The following DNAAF4 variants were observed in gnomAD, a reference collection of about 807,000 sequenced individuals.
DNAAF4 encodes the protein dynein axonemal assembly factor 4, also known as dynein assembly factor 4, axonemal.
DNAAF4 carries 43 observed loss-of-function variants against 51.8 expected under a neutral mutation model. The observed-to-expected ratio is 0.83, with a 90% CI of 0.65 to 1.07. The LOEUF is 1.07. Ranked by LOEUF, DNAAF4 falls within the 50% of genes least tolerant of loss-of-function variation. The probability of loss-of-function intolerance (pLI) is 0.00; values close to 1 mark genes in which losing one functional copy is unlikely to be tolerated. For synonymous variants in DNAAF4, 194 were observed against 165.6 expected (o/e 1.17, Z -1.32); for missense variants, 581 against 493.0 (o/e 1.18, Z -1.69).
At chr15:55,473,789 G>T (rs1050032913) in intron 4 of DNAAF4, among the ~76,000 whole-genome samples, 1 of 151,928 alleles carries the variant, frequency 6.6e-6, no homozygotes, top group Admixed American at 6.6e-5. Flanking sequence ...TCAGGAGTTC[G>T]AGACCAGCCT....
intron 4 of DNAAF4, among the ~76,000 whole-genome samples, chr15:55,479,930 T>C (rs1423845796): frequency 3.3e-5 from 5 of 152,186 alleles, no homozygotes; most frequent in Non-Finnish European, 7.3e-5. Context: ...ATCAAGATAA[T>C]ATGTGCACTG....
downstream of DNAAF4, among the ~76,000 whole-genome samples, chr15:55,429,167 A>G (rs904437665): frequency 2.0e-5 from 3 of 151,856 alleles, no homozygotes; most frequent in Non-Finnish European, 4.4e-5. Context: ...GGTTGCAGTG[A>G]GCCGAGATTG....
chr15:55,418,520 C>G (rs1489467530), intron 7 of DNAAF4: 1 of 1,522,510 alleles, frequency 6.6e-7, no homozygotes, highest in East Asian at 2.4e-5. Context: ...AAATACTGCA[C>G]CTGACAGAAC....
In DNAAF4 at chr15:55,439,582, C is replaced by T. The variant is rs569903974; in HGVS notation, c.784-1G>A. On this transcript the variant is annotated splice_acceptor_variant, in intron 6 of 9. Coordinates refer to ENST00000321149, the MANE Select transcript of DNAAF4 (RefSeq NM_130810.4). LOFTEE classifies it high-confidence loss of function. Reference sequence around the variant, plus strand: ...GTGCCTCAGCTTGTTTGTGTAGCCACTAGAATGAGAAAGAAGTCTTATGAA... The same window carrying T: ...GTGCCTCAGCTTGTTTGTGTAGCCATTAGAATGAGAAAGAAGTCTTATGAA... The T allele has an allele frequency of 3.1e-6, 5 of 1,612,860 alleles. No individual in the cohort carries two copies. The highest frequency in any genetic ancestry group is 1.7e-4 in the Middle Eastern group (1 of 6,058).
At chr15:55,481,673 T>C (rs1370712985) in intron 4 of DNAAF4, among the ~76,000 whole-genome samples, 1 of 152,100 alleles carries the variant, frequency 6.6e-6, no homozygotes, top group Admixed American at 6.6e-5. Context: ...AGACAGACCA[T>C]CAGTTCCTCT....
rs1228023741 is a variant in DNAAF4, at chr15:55,435,022, G to T, written c.930C>A (p.Ile310=). ...GTCTTATGGCTAAATTATATGCATTGATAGCTGCCAAATAGTTTTCCGTTG... is the reference window on the plus strand; with the variant it reads ...GTCTTATGGCTAAATTATATGCATTTATAGCTGCCAAATAGTTTTCCGTTG... ...LFATENYLAA[I]NAYNLAIRLN... The change falls in exon 8 of 10, where the codon ATC becomes ATA. Residue 310 remains isoleucine (I), a synonymous_variant. Coordinates refer to ENST00000321149, the MANE Select transcript of DNAAF4 (RefSeq NM_130810.4). 36 of 1,607,780 alleles carry T rather than the reference G, an allele frequency of 2.2e-5. No individual in the cohort carries two copies. Among genetic ancestry groups the T allele is most frequent in the Non-Finnish European group, 2.5e-5 (30 of 1,178,346 alleles).
At chr15:55,491,328 T>C in intron 3 of DNAAF4, 72 bp from the exon 4 acceptor site, 1 of 1,457,236 alleles carries the variant, frequency 6.9e-7, no homozygotes. Context: ...ACTACTTAAA[T>C]AAACTGACCC....
chr15:55,433,653 A>T (rs1282705099), intron 8 of DNAAF4, among the ~76,000 whole-genome samples: 1 of 143,682 alleles, frequency 7.0e-6, no homozygotes, highest in East Asian at 2.0e-4. Context: ...AATGGCCTCA[A>T]GCACTCACCT....
rs2058177800 is a variant in DNAAF4 at position 55,466,853 on chromosome 15, G to A, written c.637+77C>T. On this transcript the variant is annotated intron_variant, in intron 5 of 9. Coordinates refer to ENST00000321149, the MANE Select transcript of DNAAF4 (RefSeq NM_130810.4). ...AAACAGTAACCTAATGCTGTGAATA[G>A]ATTTACAAAAAAAGAAAAGCGTCAT... 20 of 1,531,502 alleles carry A rather than the reference G, an allele frequency of 1.3e-5. No homozygotes were observed. The South Asian group carries it at 2.5e-4, about 19-fold the overall frequency. 94.9% of individuals were successfully genotyped at this position (1,531,502 alleles called of 1,614,324 possible). A position where few individuals can be genotyped will look rare whatever the true frequency, so the allele number is the denominator to read the frequency against.
In DNAAF4 at chr15:55,467,180, C is replaced by T. The variant is rs754334465; in HGVS notation, c.406-19G>A. ...CTTCAATCTATAACAATTGCAATTA[C>T]CAAATTCTTTAAAATACATAAAAGC... On this transcript the variant is annotated intron_variant, in intron 4 of 9. Coordinates refer to ENST00000321149, the MANE Select transcript of DNAAF4 (RefSeq NM_130810.4). 5 of 1,486,638 alleles carry T rather than the reference C, an allele frequency of 3.4e-6. No individual in the cohort carries two copies. Among genetic ancestry groups the T allele is most frequent in the African/African-American group, 2.9e-5 (2 of 69,844 alleles). 92.1% of individuals were successfully genotyped at this position (1,486,638 alleles called of 1,614,324 possible).
In DNAAF4 at chr15:55,423,141, G is replaced by A. The variant is rs2057401611; in HGVS notation, c.1048-5008C>T. 6.6e-5 allele frequency among the ~76,000 whole-genome samples: 10 copies of A among 150,484 alleles called. 1 individual carries two copies. The South Asian group carries it at 2.1e-3, about 32-fold the overall frequency. On this transcript the variant is annotated intron_variant, in intron 7 of 7. Coordinates refer to the DNAAF4 transcript ENST00000448430. ...TTGCTGCACACTGAACAGATAAATG[G>A]GGCAATAGCTAGATGTAGAGCCAAA...
intron 3 of DNAAF4, among the ~76,000 whole-genome samples, chr15:55,496,623 T>C (rs548656497): frequency 6.6e-6 from 1 of 152,314 alleles, no homozygotes; most frequent in East Asian, 1.9e-4. Context: ...CAGGAGGGCT[T>C]ACCCTTAAGA....
At chr15:55,470,661 CT>C (rs1196863921) in intron 4 of DNAAF4, among the ~76,000 whole-genome samples, 10 of 151,686 alleles carry the variant, frequency 6.6e-5, no homozygotes, top group Non-Finnish European at 1.2e-4. Context: ...CCAGTTCAGC[CT>C]TCTAGGTAGC....
intron 7 of DNAAF4, among the ~76,000 whole-genome samples, chr15:55,420,228 G>C (rs2057377013): frequency 6.6e-6 from 1 of 152,114 alleles, no homozygotes; most frequent in South Asian, 2.1e-4. Flanking sequence ...AAAGTACAAA[G>C]ATGTGAGACA....
chr15:55,460,712 T>G (rs1218823542), intron 5 of DNAAF4, among the ~76,000 whole-genome samples: 1 of 5,040 alleles, frequency 2.0e-4, no homozygotes, highest in Non-Finnish European at 0.019. Context: ...CATCAGCACA[T>G]GGAACATTCA....
At position 55,442,866 on chromosome 15, in the gene DNAAF4, A is replaced by G. The variant is rs73408848; in HGVS notation, c.784-3285T>C. The G allele has an allele frequency of 9.4e-3, 15,147 of 1,612,476 alleles. 1,345 individuals carry two copies. The African/African-American group carries it at 0.18, about 20-fold the overall frequency. On this transcript the variant is annotated intron_variant, in intron 6 of 9. Transcript: ENST00000321149. Reference sequence around the variant, plus strand: ...CAGCCATCATTGCACACATACCAACAGTAGCATCAATCATGGTTGCAATGG... The same window carrying G: ...CAGCCATCATTGCACACATACCAACGGTAGCATCAATCATGGTTGCAATGG...
chr15:55,449,871 G>A (rs1398982039), intron 6 of DNAAF4, among the ~76,000 whole-genome samples: 1 of 151,470 alleles, frequency 6.6e-6, no homozygotes, highest in East Asian at 2.0e-4. Flanking sequence ...GCTAATTTTT[G>A]TATTTTTAGT....
In DNAAF4 at chr15:55,459,038, T is replaced by C. The variant is rs971229881; in HGVS notation, c.637+7892A>G. Reference sequence around the variant, plus strand: ...TTGCAGTGAGCCGAGATCACGCTACTGCACTCTAGCCTGGGTGACAGAGCA... The same window carrying C: ...TTGCAGTGAGCCGAGATCACGCTACCGCACTCTAGCCTGGGTGACAGAGCA... On this transcript the variant is annotated intron_variant, in intron 5 of 9. Transcript: ENST00000321149. 2.7e-4 allele frequency among the ~76,000 whole-genome samples: 40 copies of C among 146,742 alleles called. No individual in the cohort carries two copies. In the Admixed American group the frequency reaches 2.7e-3, roughly 10 times the overall value.
chr15:55,443,336 G>A (rs570354133), intron 6 of DNAAF4: 361 of 930,686 alleles, frequency 3.9e-4, no homozygotes, highest in African/African-American at 3.0e-3. Flanking sequence ...GTGCGGAGGC[G>A]CCTGGCGCAG....
Sources: allele counts gnomAD v4.1 joint callset (sites outside exome capture counted in the v4.1 genomes callset), GRCh38; gene constraint gnomAD v4.1.1; transcripts MANE v1.5; gene names NCBI Gene and HGNC (gene_info 2026-07-23, HGNC 2026-07-21).